The following HEXB variants were observed in gnomAD, a reference collection of about 807,000 sequenced individuals.
HEXB encodes beta-hexosaminidase subunit beta.
HEXB carries 51 observed loss-of-function variants against 71.2 expected under a neutral mutation model. That is an observed-to-expected ratio of 0.72 (90% CI 0.57 to 0.90). HEXB has a LOEUF of 0.90. HEXB is among the 40% of genes least tolerant of loss of function. HEXB has a pLI of 0.00. For synonymous variants in HEXB, 266 were observed against 249.3 expected, an observed-to-expected ratio of 1.07 and a Z score of -0.63; for missense variants, 617 against 677.0, an observed-to-expected ratio of 0.91 and a Z score of 0.98.
At chr5:74,703,902 C>T (rs1020722144) in intron 5 of HEXB, among the ~76,000 whole-genome samples, 1 of 152,182 alleles carries the variant, frequency 6.6e-6, no homozygotes, top group Non-Finnish European at 1.5e-5. Context: ...TGGTCTCAAA[C>T]TCCTGGGCCC....
intron 1 of HEXB, among the ~76,000 whole-genome samples, chr5:74,671,964 C>T (rs535626391): frequency 5.9e-5 from 9 of 152,272 alleles, no homozygotes; most frequent in South Asian, 4.1e-4. Context: ...GAATAGGTGG[C>T]GGCCACTCGT....
At position 74,695,796 on chromosome 5, in the gene HEXB, G is replaced by A. The variant is rs139205164; in HGVS notation, c.512-897G>A. On this transcript the variant is annotated intron_variant, in intron 3 of 13. Transcript: ENST00000261416. ...GTGGAGGTTACAATGAGCCGAGATC[G>A]CGCCACTGCACTCCGTCCTGGGTGA... Among the ~76,000 whole-genome samples the A allele has an allele frequency of 1.6e-3, 235 of 148,968 alleles. 1 individual carries two copies. Among genetic ancestry groups the A allele is most frequent in the African/African-American group, 5.5e-3 (225 of 40,572 alleles).
intron 1 of HEXB, among the ~76,000 whole-genome samples, chr5:74,674,341 A>T (rs895602964): frequency 2.0e-5 from 3 of 152,034 alleles, no homozygotes; most frequent in Non-Finnish European, 4.4e-5. Flanking sequence ...TGGTGGCTCA[A>T]GCCTGTAATC....
intron 1 of HEXB, among the ~76,000 whole-genome samples, chr5:74,663,660 G>A (rs1748373650): frequency 6.6e-6 from 1 of 152,200 alleles, no homozygotes; most frequent in South Asian, 2.1e-4. Flanking sequence ...GGGTTTCAAA[G>A]TCAGGCAGAA....
At chr5:74,686,171 C>G (rs1290287221) in intron 1 of HEXB, among the ~76,000 whole-genome samples, 1 of 152,192 alleles carries the variant, frequency 6.6e-6, no homozygotes, top group Non-Finnish European at 1.5e-5. Context: ...TTTCTCAACA[C>G]CGATCATGTT....
chr5:74,671,875 CTG>C (rs1300067063), intron 1 of HEXB, among the ~76,000 whole-genome samples: 2 of 152,150 alleles, frequency 1.3e-5, no homozygotes, highest in African/African-American at 4.8e-5. Flanking sequence ...GTGTCCGATT[CTG>C]TCTGTCTGCA....
intron 1 of HEXB, among the ~76,000 whole-genome samples, chr5:74,670,163 A>G (rs1296342750): frequency 1.3e-5 from 2 of 151,666 alleles, no homozygotes; most frequent in East Asian, 3.9e-4. Context: ...CCTATTTTAC[A>G]TATACCTACA....
In HEXB at chr5:74,705,303, C is replaced by G. The variant is rs1437857796; in HGVS notation, c.754C>G (p.Pro252Ala). ...QSFPYQSITF[P>A]ELSNKGSYSL... ...TTTCCCATATCAGAGCATCACTTTTCCTGAGTTAAGCAATAAAGTGAGTAA... is the reference window on the plus strand; with the variant it reads ...TTTCCCATATCAGAGCATCACTTTTGCTGAGTTAAGCAATAAAGTGAGTAA... The change falls in exon 6 of 14, where the codon CCT becomes GCT. Residue 252 changes from proline to alanine, a missense_variant. Transcript: ENST00000261416. 7 of 1,591,776 alleles carry G rather than the reference C, an allele frequency of 4.4e-6. No homozygotes were observed. Among genetic ancestry groups the G allele is most frequent in the Non-Finnish European group, 6.0e-6 (7 of 1,159,950 alleles).
chr5:74,718,856 T>G lies in HEXB; in HGVS notation c.1302T>G (p.Ser434Arg). Reference protein sequence around the residue: ...WKDSAYPEELSRVTASGFPVI... With the variant: ...WKDSAYPEELRRVTASGFPVI... ...ACAGCGCATATCCTGAGGAACTCAG[T>G]AGAGTCACAGCATCTGGCTTCCCTG... The change falls in exon 11 of 14, where the codon AGT becomes AGG. Residue 434 changes from serine (S) to arginine (R), a missense_variant. Ser to Arg is a moderately radical substitution (Grantham distance 110). Coordinates refer to ENST00000261416, the MANE Select transcript of HEXB (RefSeq NM_000521.4). 6.2e-7 allele frequency: 1 copy of G among 1,614,110 alleles called. No individual in the cohort carries two copies. The highest frequency in any genetic ancestry group is 8.5e-7 in the Non-Finnish European group (1 of 1,179,960).
intron 8 of HEXB, 125 bp from the exon 9 acceptor site, chr5:74,716,462 T>G (rs908213024): frequency 3.1e-5 from 19 of 613,590 alleles, no homozygotes; most frequent in African/African-American, 2.6e-4. Context: ...TTAGGCTTCT[T>G]TTTACTACCT....
At chr5:74,680,831 T>C (rs746011645), upstream of HEXB, among the ~76,000 whole-genome samples, 2 of 152,198 alleles carry the variant, frequency 1.3e-5, no homozygotes, top group African/African-American at 4.8e-5. Flanking sequence ...TTTTACCCTA[T>C]AGAAAGTAAA....
intron 1 of HEXB, among the ~76,000 whole-genome samples, chr5:74,668,581 C>T (rs552926650): frequency 5.3e-5 from 8 of 152,148 alleles, no homozygotes; most frequent in African/African-American, 1.7e-4. Flanking sequence ...TACCCTGCAG[C>T]GTTGTTATAA....
chr5:74,662,424 A>G (rs1256967148), intron 1 of HEXB, among the ~76,000 whole-genome samples: 1 of 152,238 alleles, frequency 6.6e-6, no homozygotes, highest in Admixed American at 6.5e-5. Context: ...TGCTACTAGA[A>G]AATGTAATAA....
chr5:74,683,326 C>CA (rs1394314780), upstream of HEXB, among the ~76,000 whole-genome samples: 2 of 151,226 alleles, frequency 1.3e-5, no homozygotes, highest in Non-Finnish European at 2.9e-5. Context: ...CTTTCTGAGA[C>CA]AGAGTCTTAC....
intron 1 of HEXB, among the ~76,000 whole-genome samples, chr5:74,662,241 C>T (rs552985890): frequency 6.6e-6 from 1 of 152,150 alleles, no homozygotes; most frequent in South Asian, 2.1e-4. Context: ...AAGTTTTTCA[C>T]CTAACATTAT....
Position 74,671,416 on chromosome 5 carries a change from C to CA in HEXB, c.-376-17902dup, listed in dbSNP as rs111798694. On this transcript the variant is annotated intron_variant, in intron 1 of 13. Transcript: ENST00000511181. ...ATTATGCTGAGTAAAAGAAACCAGACAAAAAAAAAAGCCATATGGTACATT... is the reference window on the plus strand; with the variant it reads ...ATTATGCTGAGTAAAAGAAACCAGACAAAAAAAAAAAGCCATATGGTACATT... Among the ~76,000 whole-genome samples the CA allele has an allele frequency of 2.3e-3, 313 of 138,608 alleles. 2 individuals are homozygous for CA. The highest frequency in any genetic ancestry group is 3.8e-3 in the African/African-American group (141 of 37,572). 90.9% of individuals were successfully genotyped at this position (138,608 alleles called of 152,430 possible). A position where few individuals can be genotyped will look rare whatever the true frequency, so the allele number is the denominator to read the frequency against.
At chr5:74,642,903 ACTTTCTATG>A in intron 1 of HEXB, among the ~76,000 whole-genome samples, 1 of 152,198 alleles carries the variant, frequency 6.6e-6, no homozygotes, top group East Asian at 1.9e-4. Flanking sequence ...TAATGTTGCC[ACTTTCTATG>A]CTTCAATAGA....
chr5:74,696,687 C>A lies in HEXB; in HGVS notation c.512-6C>A. On this transcript the variant is annotated splice_polypyrimidine_tract_variant and splice_region_variant and intron_variant, in intron 3 of 13. Coordinates refer to ENST00000261416, the MANE Select transcript of HEXB (RefSeq NM_000521.4). Reference sequence around the variant, plus strand: ...AAATTAATGCAATAAATTTTACTTTCCTCAGGTTTAGAGACCTTTAGCCAG... The same window carrying A: ...AAATTAATGCAATAAATTTTACTTTACTCAGGTTTAGAGACCTTTAGCCAG... 2 of 1,376,292 alleles carry A rather than the reference C, an allele frequency of 1.5e-6. No homozygotes were observed. Among genetic ancestry groups the A allele is most frequent in the Non-Finnish European group, 1.0e-6 (1 of 965,348 alleles). The allele number at this position is 1,376,292 out of a possible 1,614,324, so 85.3% of individuals were successfully genotyped here.
chr5:74,670,589 C>T (rs996522628), intron 1 of HEXB, among the ~76,000 whole-genome samples: 3 of 152,204 alleles, frequency 2.0e-5, no homozygotes, highest in Non-Finnish European at 4.4e-5. Flanking sequence ...AGCCAGCCCC[C>T]AGAGCTGCCA....
Sources: gnomAD v4.1 joint callset for allele counts (sites outside exome capture counted in the v4.1 genomes callset) on GRCh38, gnomAD v4.1.1 for gene constraint, MANE v1.5 for transcripts, NCBI Gene and HGNC (gene_info 2026-07-23, HGNC 2026-07-21) for gene names.